The following TENM1 variants were observed in gnomAD, a reference collection of about 807,000 sequenced individuals.
The protein encoded by TENM1 is teneurin transmembrane protein 1.
A neutral mutation model predicts 174.8 loss-of-function variants in TENM1; 35 were observed. The observed-to-expected ratio is 0.20, with a 90% confidence interval of 0.15 to 0.27. The LOEUF is 0.27. Ranked by LOEUF, TENM1 falls within the 10% of genes least tolerant of loss-of-function variation. TENM1 has a pLI of 1.00. For missense variants in TENM1, 1,633 were observed against 2,130.1 expected, an observed-to-expected ratio of 0.77 and a Z score of 4.59; for synonymous variants, 781 against 798.7, an observed-to-expected ratio of 0.98 and a Z score of 0.37.
chrX:124,682,919 A>C (rs927177802), intron 5 of TENM1, among the ~76,000 whole-genome samples: 1 of 111,787 alleles, frequency 8.9e-6, no homozygotes, highest in African/African-American at 3.2e-5. Flanking sequence ...AACTGGTGAC[A>C]TCCAAATGAA....
chrX:124,508,412 C>T (rs2047499765), intron 18 of TENM1, among the ~76,000 whole-genome samples: 1 of 112,373 alleles, frequency 8.9e-6, no homozygotes. Flanking sequence ...TGAATTATAG[C>T]AATAGATTTC....
intron 23 of TENM1, among the ~76,000 whole-genome samples, chrX:124,441,554 T>G (rs1043861552): frequency 2.4e-4 from 27 of 112,180 alleles, no homozygotes; most frequent in Admixed American, 1.2e-3. Context: ...ACTTATAATA[T>G]AAGCCTTTGG....
chrX:125,193,976 G>T, the TENM1 span, among the ~76,000 whole-genome samples: 1 of 110,169 alleles, frequency 9.1e-6, no homozygotes, highest in Non-Finnish European at 1.9e-5. Flanking sequence ...AAGAGATGGG[G>T]TCTCACTATG....
intron 3 of TENM1, among the ~76,000 whole-genome samples, chrX:124,851,372 G>A (rs1487573602): frequency 9.0e-6 from 1 of 111,686 alleles, no homozygotes; most frequent in Non-Finnish European, 1.9e-5. Flanking sequence ...TTATTCTTGA[G>A]GAATTAGAAA....
chrX:124,861,956 A>G (rs944242311), intron 3 of TENM1, among the ~76,000 whole-genome samples: 1 of 112,204 alleles, frequency 8.9e-6, no homozygotes, highest in African/African-American at 3.2e-5. Context: ...TTGATTTGGC[A>G]TATCAATTGC....
chrX:125,181,282 G>A, the TENM1 span, among the ~76,000 whole-genome samples: 1 of 111,387 alleles, frequency 9.0e-6, no homozygotes, highest in Non-Finnish European at 1.9e-5. Context: ...ATATGTGGCC[G>A]AATTGGATCT....
At position 124,447,292 on chromosome X, in the gene TENM1, A is replaced by C. The variant is rs192742645; in HGVS notation, c.4104+6045T>G. On this transcript the variant is annotated intron_variant, in intron 23 of 31. Transcript: ENST00000422452. ...CTCTGGTCATAATGGCTGAGCATCT[A>C]GGAAGCTGTGCCACACACAGGCTTT... Among the ~76,000 whole-genome samples the C allele has an allele frequency of 7.2e-5, 8 of 111,642 alleles. No individual in the cohort carries two copies. In the East Asian group the frequency reaches 1.4e-3, roughly 20 times the overall value.
chrX:124,815,411 C>T (rs1218926292), intron 3 of TENM1, among the ~76,000 whole-genome samples: 1 of 111,500 alleles, frequency 9.0e-6, no homozygotes, highest in African/African-American at 3.3e-5. Context: ...AAAACCAAGA[C>T]ACAACTGACT....
At chrX:124,651,460 T>A (rs745830683) in intron 8 of TENM1, among the ~76,000 whole-genome samples, 1 of 112,255 alleles carries the variant, frequency 8.9e-6, no homozygotes, top group Admixed American at 9.5e-5. Flanking sequence ...TTATGTTGTA[T>A]TTTAAAGCCC....
chrX:124,855,865 T>C (rs933570179), intron 3 of TENM1, among the ~76,000 whole-genome samples: 1 of 111,091 alleles, frequency 9.0e-6, no homozygotes, highest in African/African-American at 3.3e-5. Context: ...GTATAGAAGG[T>C]AGGAAGATAC....
exon 32 of TENM1, chrX:124,376,703 G>A (rs1346551024): frequency 9.0e-6 from 1 of 110,964 alleles, no homozygotes; most frequent in African/African-American, 3.3e-5. Context: ...CTTTTTTGTT[G>A]TTTGTTTTCT....
chrX:125,003,917 G>A, the TENM1 span, among the ~76,000 whole-genome samples: 1 of 111,552 alleles, frequency 9.0e-6, no homozygotes. Flanking sequence ...CATTAACACA[G>A]TACACACACA....
chrX:124,972,611 G>A, the TENM1 span, among the ~76,000 whole-genome samples: 2 of 112,139 alleles, frequency 1.8e-5, no homozygotes, highest in Non-Finnish European at 3.8e-5. Context: ...AAAGCTTAAA[G>A]GACTAGTCTG....
intron 22 of TENM1, among the ~76,000 whole-genome samples, chrX:124,474,394 C>T (rs941515077): frequency 3.6e-5 from 4 of 111,340 alleles, no homozygotes; most frequent in African/African-American, 1.3e-4. Context: ...GATTTGCCTC[C>T]ATTTCTGTTT....
intron 4 of TENM1, among the ~76,000 whole-genome samples, chrX:124,713,151 G>T (rs2053099419): frequency 8.9e-6 from 1 of 111,864 alleles, no homozygotes; most frequent in South Asian, 3.7e-4. Flanking sequence ...GCTTTTAAAT[G>T]AATTTCTGGA....
At chrX:124,838,844 C>T (rs1021608416) in intron 3 of TENM1, among the ~76,000 whole-genome samples, 1 of 110,845 alleles carries the variant, frequency 9.0e-6, no homozygotes, top group Non-Finnish European at 1.9e-5. Context: ...TGCATATATA[C>T]ACACACATAT....
chrX:124,426,468 A>T (rs1295487700), intron 23 of TENM1, among the ~76,000 whole-genome samples: 4 of 112,058 alleles, frequency 3.6e-5, no homozygotes, highest in Non-Finnish European at 7.5e-5. Flanking sequence ...AGCAATCAGT[A>T]ATGAAGTGGA....
the TENM1 span, among the ~76,000 whole-genome samples, chrX:125,176,629 C>T: frequency 2.7e-5 from 3 of 111,361 alleles, no homozygotes; most frequent in Non-Finnish European, 5.7e-5. Flanking sequence ...AGGCTTCCCA[C>T]TCCCATGGTA....
At chrX:124,582,094 C>A (rs1483592040) in intron 11 of TENM1, among the ~76,000 whole-genome samples, 1 of 111,061 alleles carries the variant, frequency 9.0e-6, no homozygotes, top group African/African-American at 3.3e-5. Flanking sequence ...TCCATGTGTT[C>A]TCATTGTTCA....
Sources: allele counts gnomAD v4.1 joint callset (sites outside exome capture counted in the v4.1 genomes callset), GRCh38; gene constraint gnomAD v4.1.1; transcripts MANE v1.5; gene names NCBI Gene and HGNC (gene_info 2026-07-23, HGNC 2026-07-21).